Variants in RAB5B observed in about 807,000 individuals in gnomAD.
RAB5B encodes RAB5B, member RAS oncogene family, also known as ras-related protein Rab-5B.
RAB5B carries 11 observed loss-of-function variants against 28.6 expected under a neutral mutation model. The ratio of observed to expected loss-of-function variants is 0.38; its 90% confidence interval spans 0.24 to 0.64. The LOEUF is 0.64. Among genes scored for constraint, RAB5B ranks in the 30% least tolerant of loss-of-function variants. RAB5B has a pLI of 0.53. For synonymous variants in RAB5B, 93 were observed against 97.9 expected (o/e 0.95, Z 0.29); for missense variants, 169 against 265.6 (o/e 0.64, Z 2.53).
chr12:55,994,426 G>T lies in RAB5B; in HGVS notation c.*2214G>T. The T allele has an allele frequency of 7.6e-6, 1 of 131,240 alleles. No homozygotes were observed. The highest frequency in any genetic ancestry group is 1.5e-5 in the Non-Finnish European group (1 of 65,300). 8.1% of individuals were successfully genotyped at this position (131,240 alleles called of 1,614,324 possible). ...GGAACAGGATTTGGCCTTAGCTTCT[G>T]GGCCTATCGGCTGCCTTCCCTCTAC... On this transcript the variant is annotated 3_prime_UTR_variant, in exon 6 of 6. Coordinates refer to ENST00000360299, the MANE Select transcript of RAB5B (RefSeq NM_002868.4).
At chr12:55,985,049 T>C (rs976018836) in intron 1 of RAB5B, among the ~76,000 whole-genome samples, 3 of 152,244 alleles carry the variant, frequency 2.0e-5, no homozygotes, top group Non-Finnish European at 4.4e-5. Context: ...TTATCTCATT[T>C]AATCCTTACA....
intron 1 of RAB5B, chr12:55,980,828 C>T (rs76533870): frequency 4.7e-5 from 75 of 1,594,742 alleles, no homozygotes; most frequent in Non-Finnish European, 5.5e-5. Flanking sequence ...TGTCTTGAAC[C>T]GCTCTTGGCC....
intron 1 of RAB5B, 125 bp from the exon 2 acceptor site, chr12:55,986,744 C>T (rs1889961304): frequency 1.7e-6 from 1 of 583,018 alleles, no homozygotes; most frequent in Non-Finnish European, 3.1e-6. Flanking sequence ...GATCAGCTGC[C>T]TGGGACCTTC....
chr12:55,991,640 G>A, intron 5 of RAB5B, 187 bp downstream of exon 5: 1 of 547,836 alleles, frequency 1.8e-6, no homozygotes. Flanking sequence ...CAATGTGTAA[G>A]TTTGCCGGCC....
chr12:55,986,487 C>G (rs1317852746), intron 1 of RAB5B, among the ~76,000 whole-genome samples: 1 of 152,024 alleles, frequency 6.6e-6, no homozygotes, highest in Non-Finnish European at 1.5e-5. Flanking sequence ...CACCAGGATG[C>G]CAAGGAGATA....
rs185421463 is a variant in RAB5B, at chr12:55,975,874, C to T, written c.-93+1735C>T. Among the ~76,000 whole-genome samples the T allele has an allele frequency of 5.2e-4, 78 of 150,110 alleles. 2 individuals carry two copies. In the East Asian group the frequency reaches 9.0e-3, roughly 17 times the overall value. The stretch of plus-strand genomic sequence containing the variant: ...TCAAGAGATTCTCCTGCCTCAGCCT[C>T]CCAAGTAGCTGGGACTACAGGCGTG... On this transcript the variant is annotated intron_variant, in intron 1 of 5. Coordinates refer to ENST00000360299, the MANE Select transcript of RAB5B (RefSeq NM_002868.4).
In RAB5B at chr12:55,992,532, A is replaced by G; in HGVS notation, c.*320A>G. The G allele has an allele frequency of 2.0e-6, 1 of 509,372 alleles. No individual in the cohort carries two copies. The highest frequency in any genetic ancestry group is 1.5e-5 in the South Asian group (1 of 64,950). The allele number at this position is 509,372 out of a possible 1,614,324, so 31.6% of individuals were successfully genotyped here. A position where few individuals can be genotyped will look rare whatever the true frequency, so the allele number is the denominator to read the frequency against. Reference sequence around the variant, plus strand: ...TTACGTATCTTTTCTCCTCCTCCCTAGTGTTCCTCCCCATTTTTTCAGAAA... The same window carrying G: ...TTACGTATCTTTTCTCCTCCTCCCTGGTGTTCCTCCCCATTTTTTCAGAAA... On this transcript the variant is annotated 3_prime_UTR_variant, in exon 6 of 6. Coordinates refer to ENST00000360299, the MANE Select transcript of RAB5B (RefSeq NM_002868.4).
chr12:55,987,166 G>GTTTT, intron 2 of RAB5B, 43 bp downstream of exon 2: 2 of 1,272,700 alleles, frequency 1.6e-6, no homozygotes, highest in Non-Finnish European at 1.1e-6. Context: ...TTTGGTAAGG[G>GTTTT]TTTTTTTTTT....
Position 55,995,611 on chromosome 12 carries a change from T to C in RAB5B, c.*3399T>C, listed in dbSNP as rs1332211456. 1 of 152,124 alleles carries C rather than the reference T, an allele frequency of 6.6e-6. No homozygotes were observed. The highest frequency in any genetic ancestry group is 2.4e-5 in the African/African-American group (1 of 41,382). The allele number at this position is 152,124 out of a possible 1,614,324, so 9.4% of individuals were successfully genotyped here. A position where few individuals can be genotyped will look rare whatever the true frequency, so the allele number is the denominator to read the frequency against. ...GAAATAGGATTATGTGTGGTTGCAG[T>C]AGGCTTTAAATTCCAAAGAATCTGA... On this transcript the variant is annotated 3_prime_UTR_variant, in exon 6 of 6. Coordinates refer to ENST00000360299, the MANE Select transcript of RAB5B (RefSeq NM_002868.4).
At position 55,986,857 on chromosome 12, in the gene RAB5B, T is replaced by C. The variant is rs1377000323; in HGVS notation, c.-92-12T>C. 2.3e-6 allele frequency: 2 copies of C among 878,312 alleles called. No individual in the cohort carries two copies. Among genetic ancestry groups the C allele is most frequent in the Non-Finnish European group, 3.7e-6 (2 of 547,708 alleles). 54.4% of individuals were successfully genotyped at this position (878,312 alleles called of 1,614,324 possible). On this transcript the variant is annotated splice_polypyrimidine_tract_variant and intron_variant, in intron 1 of 5. Transcript: ENST00000360299. Reference sequence around the variant, plus strand: ...ACGTATGTTTAATTTTATTCACTTTTTTTTCTTGCAGGAGTGTTGAAGCCT... The same window carrying C: ...ACGTATGTTTAATTTTATTCACTTTCTTTTCTTGCAGGAGTGTTGAAGCCT...
At chr12:55,991,239 G>A (rs1405370692) in intron 4 of RAB5B, 121 bp from the exon 5 acceptor site, 4 of 688,028 alleles carry the variant, frequency 5.8e-6, no homozygotes, top group Admixed American at 4.8e-5. Flanking sequence ...TGGCTCAAAG[G>A]GGTATTAATT....
chr12:55,980,922 TGTAA>T, intron 1 of RAB5B: 3 of 1,613,306 alleles, frequency 1.9e-6, no homozygotes, highest in East Asian at 4.5e-5. Context: ...ATGGTGGAGA[TGTAA>T]GTGTTGTTGA....
In RAB5B at chr12:55,995,392, T is replaced by G. The variant is rs1172103931; in HGVS notation, c.*3180T>G. 3 of 152,178 alleles carry G rather than the reference T, an allele frequency of 2.0e-5. No individual in the cohort carries two copies. Among genetic ancestry groups the G allele is most frequent in the Non-Finnish European group, 4.4e-5 (3 of 68,040 alleles). The allele number at this position is 152,178 out of a possible 1,614,324, so 9.4% of individuals were successfully genotyped here. ...GCGTGAGCCACTGCGCCCGGCCGTA[T>G]GTGCATATTTCTAGGATCCATTTCT... On this transcript the variant is annotated 3_prime_UTR_variant, in exon 6 of 6. Coordinates refer to ENST00000360299, the MANE Select transcript of RAB5B (RefSeq NM_002868.4).
At position 55,995,848 on chromosome 12, in the gene RAB5B, T is replaced by G. The variant is rs1298560286; in HGVS notation, c.*3636T>G. Reference sequence around the variant, plus strand: ...CACTATTAGGAAGGAGGCTTTTAGATAGTCCCTAACTGACTTCTCTGTATC... The same window carrying G: ...CACTATTAGGAAGGAGGCTTTTAGAGAGTCCCTAACTGACTTCTCTGTATC... On this transcript the variant is annotated 3_prime_UTR_variant, in exon 6 of 6. Transcript: ENST00000360299. 6.6e-6 allele frequency: 1 copy of G among 151,096 alleles called. No individual in the cohort carries two copies. Among genetic ancestry groups the G allele is most frequent in the Non-Finnish European group, 1.5e-5 (1 of 67,860 alleles). The allele number at this position is 151,096 out of a possible 1,614,324, so 9.4% of individuals were successfully genotyped here.
In RAB5B at chr12:55,991,349, A is replaced by G; in HGVS notation, c.439-11A>G. ...TACATTCTGAGCACTAATACATCCC[A>G]CTCCTTGCAGGAGGCCCAGGCATAT... On this transcript the variant is annotated splice_polypyrimidine_tract_variant and intron_variant, in intron 4 of 5. Coordinates refer to ENST00000360299, the MANE Select transcript of RAB5B (RefSeq NM_002868.4). The G allele has an allele frequency of 6.2e-7, 1 of 1,605,534 alleles. No individual in the cohort carries two copies. The highest frequency in any genetic ancestry group is 8.5e-7 in the Non-Finnish European group (1 of 1,172,488).
intron 1 of RAB5B, chr12:55,980,300 A>G: frequency 2.8e-6 from 2 of 707,968 alleles, no homozygotes; most frequent in Non-Finnish European, 4.8e-6. Flanking sequence ...TTTTCTCCTC[A>G]TTCTCTTTAC....
chr12:55,984,503 G>A (rs768639239), intron 1 of RAB5B, among the ~76,000 whole-genome samples: 2 of 151,690 alleles, frequency 1.3e-5, no homozygotes, highest in African/African-American at 4.8e-5. Flanking sequence ...TTTTTGAGAC[G>A]GAGTCTCGCT....
chr12:55,974,615 G>A (rs1316645991), intron 1 of RAB5B, among the ~76,000 whole-genome samples: 1 of 152,238 alleles, frequency 6.6e-6, no homozygotes, highest in African/African-American at 2.4e-5. Flanking sequence ...TGGGTAAGAA[G>A]CGTTCTTTTC....
At chr12:55,990,150 C>A in intron 3 of RAB5B, 52 bp downstream of exon 3, 1 of 1,548,536 alleles carries the variant, frequency 6.5e-7, no homozygotes, top group South Asian at 1.2e-5. Flanking sequence ...TGGCTTACGC[C>A]TATAATCCCA....
Sources: allele counts gnomAD v4.1 joint callset (sites outside exome capture counted in the v4.1 genomes callset), GRCh38; gene constraint gnomAD v4.1.1; transcripts MANE v1.5; gene names NCBI Gene and HGNC (gene_info 2026-07-23, HGNC 2026-07-21).